Variants in PTPRD observed in about 807,000 individuals in gnomAD.
PTPRD encodes protein tyrosine phosphatase receptor type D.
PTPRD carries 34 observed loss-of-function variants against 214.5 expected under a neutral mutation model. The ratio of observed to expected loss-of-function variants is 0.16; its 90% CI spans 0.12 to 0.21. The LOEUF (loss-of-function observed/expected upper bound fraction) is 0.21, where lower values mean the gene tolerates loss of function less well. Among genes scored for constraint, PTPRD ranks in the 10% least tolerant of loss-of-function variants. PTPRD has a pLI of 1.00. For missense variants in PTPRD, 2,545 were observed against 2,398.7 expected, an observed-to-expected ratio of 1.06 and a Z score of -1.27; for synonymous variants, 1,128 against 845.7, an observed-to-expected ratio of 1.33 and a Z score of -5.79.
At chr9:9,941,336 CTTATT>C (rs2091399138) in intron 4 of PTPRD, among the ~76,000 whole-genome samples, 3 of 152,058 alleles carry the variant, frequency 2.0e-5, no homozygotes, top group South Asian at 4.1e-4. Context: ...ATATGTGTAT[CTTATT>C]TTAGACAGTC....
At chr9:10,295,068 C>T (rs1169105286) in intron 3 of PTPRD, among the ~76,000 whole-genome samples, 1 of 151,932 alleles carries the variant, frequency 6.6e-6, no homozygotes, top group Non-Finnish European at 1.5e-5. Context: ...AACATCTTTA[C>T]AAAAACAGTT....
At chr9:10,349,492 C>T (rs1055208221) in intron 2 of PTPRD, among the ~76,000 whole-genome samples, 4 of 152,122 alleles carry the variant, frequency 2.6e-5, no homozygotes, top group African/African-American at 9.7e-5. Flanking sequence ...TATGCACAGA[C>T]ACATACACAA....
At chr9:9,020,067 T>C (rs1352490395) in intron 10 of PTPRD, among the ~76,000 whole-genome samples, 1 of 152,062 alleles carries the variant, frequency 6.6e-6, no homozygotes, top group Non-Finnish European at 1.5e-5. Flanking sequence ...GAGGGAGGTA[T>C]TAAAAGGGCC....
rs1170923292 is a variant in PTPRD at position 8,317,429 on chromosome 9, T to C, written c.*445A>G. The C allele has an allele frequency of 4.3e-6, 1 of 234,738 alleles. No individual in the cohort carries two copies. The highest frequency in any genetic ancestry group is 2.2e-5 in the African/African-American group (1 of 45,246). The allele number at this position is 234,738 out of a possible 1,614,324, so 14.5% of individuals were successfully genotyped here. On this transcript the variant is annotated 3_prime_UTR_variant, in exon 46 of 46. Transcript: ENST00000381196. ...CTCCCCTTTCCCCCTAAAATGTTAT[T>C]ATGAGCAGTATGGTGGGAAGGGGCG...
intron 5 of PTPRD, among the ~76,000 whole-genome samples, chr9:9,856,164 G>A (rs923256625): frequency 1.3e-5 from 2 of 152,150 alleles, no homozygotes; most frequent in Non-Finnish European, 1.5e-5. Flanking sequence ...AAGTTGCACC[G>A]TCAAGCTGTC....
chr9:9,360,289 G>A (rs954875072), intron 9 of PTPRD, among the ~76,000 whole-genome samples: 2 of 150,952 alleles, frequency 1.3e-5, no homozygotes, highest in East Asian at 3.9e-4. Flanking sequence ...AGCCATAAGA[G>A]AGAAACAATA....
chr9:9,861,568 C>T lies in PTPRD; in HGVS notation c.-368+76939G>A, dbSNP rs187003367. ...GCCTCTCAAAGTGCTGGATTACTGG[C>T]GTGAGCCACCGCACATGGCCGAAAT... On this transcript the variant is annotated intron_variant, in intron 5 of 45. Transcript: ENST00000381196. Among the ~76,000 whole-genome samples the T allele has an allele frequency of 2.6e-3, 403 of 152,252 alleles. 1 individual carries two copies. Among genetic ancestry groups the T allele is most frequent in the Non-Finnish European group, 5.0e-3 (342 of 68,002 alleles).
intron 7 of PTPRD, among the ~76,000 whole-genome samples, chr9:9,646,012 T>C (rs1402578252): frequency 6.6e-6 from 1 of 152,200 alleles, no homozygotes; most frequent in Non-Finnish European, 1.5e-5. Flanking sequence ...TGAGACAGTG[T>C]TGTTGATGCT....
intron 3 of PTPRD, among the ~76,000 whole-genome samples, chr9:10,152,424 A>T (rs1309397469): frequency 2.0e-5 from 3 of 152,154 alleles, no homozygotes; most frequent in African/African-American, 7.2e-5. Context: ...CATTCATCAG[A>T]TATGTGATTC....
intron 9 of PTPRD, among the ~76,000 whole-genome samples, chr9:9,386,483 A>G (rs2063911801): frequency 6.6e-6 from 1 of 152,170 alleles, no homozygotes; most frequent in Admixed American, 6.6e-5. Flanking sequence ...TGGAAGCTTC[A>G]ACAGGGCAGT....
At chr9:8,867,019 T>C (rs1215044486) in intron 11 of PTPRD, among the ~76,000 whole-genome samples, 7 of 152,196 alleles carry the variant, frequency 4.6e-5, no homozygotes, top group African/African-American at 1.7e-4. Flanking sequence ...TTTAATCACA[T>C]ATTGAAAGGC....
chr9:8,856,282 G>C (rs2097914208), intron 11 of PTPRD, among the ~76,000 whole-genome samples: 1 of 152,164 alleles, frequency 6.6e-6, no homozygotes, highest in Non-Finnish European at 1.5e-5. Context: ...CTCAAGTTGA[G>C]TGGTTGGTGT....
intron 21 of PTPRD, among the ~76,000 whole-genome samples, chr9:8,512,751 G>T (rs2097706769): frequency 6.6e-6 from 1 of 151,952 alleles, no homozygotes; most frequent in African/African-American, 2.4e-5. Context: ...TAAATGAATA[G>T]ATGTAATTAG....
intron 3 of PTPRD, among the ~76,000 whole-genome samples, chr9:10,339,701 G>A (rs1000107807): frequency 1.3e-5 from 2 of 151,564 alleles, no homozygotes; most frequent in South Asian, 2.1e-4. Flanking sequence ...CTAATGGTGT[G>A]GGGAGAAGTC....
chr9:9,806,092 G>C (rs1256906692), intron 5 of PTPRD, among the ~76,000 whole-genome samples: 1 of 152,048 alleles, frequency 6.6e-6, no homozygotes, highest in Non-Finnish European at 1.5e-5. Flanking sequence ...AATTTACAGA[G>C]GCATAAGAAT....
At chr9:8,555,573 C>T (rs1290295887) in intron 14 of PTPRD, among the ~76,000 whole-genome samples, 1 of 152,204 alleles carries the variant, frequency 6.6e-6, no homozygotes, top group Non-Finnish European at 1.5e-5. Flanking sequence ...GGAACACAGT[C>T]TTTAAATGGC....
chr9:9,919,243 A>G (rs979846211), intron 5 of PTPRD, among the ~76,000 whole-genome samples: 1 of 151,994 alleles, frequency 6.6e-6, no homozygotes, highest in African/African-American at 2.4e-5. Flanking sequence ...TCTTCCTTCT[A>G]ACTAGTTTCA....
intron 10 of PTPRD, among the ~76,000 whole-genome samples, chr9:9,146,174 T>C (rs950044085): frequency 6.6e-6 from 1 of 152,218 alleles, no homozygotes; most frequent in African/African-American, 2.4e-5. Context: ...ATATCATGCC[T>C]GTAGAATTCT....
intron 3 of PTPRD, among the ~76,000 whole-genome samples, chr9:10,160,869 A>G (rs572088491): frequency 2.6e-5 from 4 of 152,076 alleles, no homozygotes; most frequent in Middle Eastern, 3.4e-3. Flanking sequence ...AATTCAGTAC[A>G]GTTGGAAGAT....
Sources: allele counts gnomAD v4.1 joint callset (sites outside exome capture counted in the v4.1 genomes callset), GRCh38; gene constraint gnomAD v4.1.1; transcripts MANE v1.5; gene names NCBI Gene and HGNC (gene_info 2026-07-23, HGNC 2026-07-21).